FAM153A: variants seen among roughly 807,000 people sequenced by gnomAD.
FAM153A encodes the protein protein FAM153A.
In FAM153A, 12 loss-of-function variants were observed where a neutral mutation model predicts 48.1. The ratio of observed to expected loss-of-function variants is 0.25; its 90% CI spans 0.16 to 0.40. The LOEUF (loss-of-function observed/expected upper bound fraction) is 0.40. FAM153A is among the 10% of genes least tolerant of loss of function. The probability of loss-of-function intolerance (pLI) is 1.00; values close to 1 mark genes in which losing one functional copy is unlikely to be tolerated. For synonymous variants in FAM153A, 36 were observed against 118.2 expected (o/e 0.30, Z 4.51); for missense variants, 111 against 345.8 (o/e 0.32, Z 5.38).
chr5:177,734,891 C>T (rs750763585), exon 13 of FAM153A: 3 of 1,482,464 alleles, frequency 2.0e-6, no homozygotes, highest in Middle Eastern at 1.7e-4. Flanking sequence ...CTCCTCCTCA[C>T]CGTTGTAACT....
the FAM153A span, among the ~76,000 whole-genome samples, chr5:177,697,240 T>C: frequency 6.6e-6 from 1 of 151,554 alleles, no homozygotes; most frequent in Non-Finnish European, 1.5e-5. Context: ...TTAAATTTCA[T>C]TTTTGAATTG....
chr5:177,704,330 C>T (rs1302898945), downstream of FAM153A, among the ~76,000 whole-genome samples: 1 of 56,508 alleles, frequency 1.8e-5, no homozygotes, highest in Non-Finnish European at 3.1e-5. Flanking sequence ...TGTTTGAGGT[C>T]GGGCATGGTG....
intron 1 of FAM153A, among the ~76,000 whole-genome samples, chr5:177,768,338 A>T (rs1212253652): frequency 6.6e-6 from 1 of 152,070 alleles, no homozygotes; most frequent in Non-Finnish European, 1.5e-5. Context: ...GCTTCATTAT[A>T]TTGGCATCAC....
At chr5:177,760,463 C>T (rs1202392894) in intron 1 of FAM153A, among the ~76,000 whole-genome samples, 1 of 48,194 alleles carries the variant, frequency 2.1e-5, no homozygotes. Context: ...GTGTCGATCT[C>T]TTGACCAAGT....
chr5:177,707,448 GA>G (rs1261991896), downstream of FAM153A, among the ~76,000 whole-genome samples: 2 of 151,660 alleles, frequency 1.3e-5, no homozygotes, highest in African/African-American at 4.9e-5. Context: ...GAAAAAAAAG[GA>G]AACGAGAGAA....
At chr5:177,754,266 C>A (rs1323490085), upstream of FAM153A, among the ~76,000 whole-genome samples, 1 of 151,954 alleles carries the variant, frequency 6.6e-6, no homozygotes, top group East Asian at 1.9e-4. Context: ...GATCAAACTG[C>A]AAGGCTGAAG....
Position 177,771,264 on chromosome 5 carries a change from T to C in FAM153A, c.-57+9185A>G, listed in dbSNP as rs1582538422. ...TCAAAATAAAAGACCATTTTTATTC[T>C]AATTTTAACTCAGAAATTATTATGC... On this transcript the variant is annotated intron_variant, in intron 1 of 8. Transcript: ENST00000393518. Among the ~76,000 whole-genome samples, 4 of 98,036 alleles carry C rather than the reference T, an allele frequency of 4.1e-5. 2 individuals carry two copies. The highest frequency in any genetic ancestry group is 1.6e-4 in the African/African-American group (4 of 24,860). 64.3% of individuals were successfully genotyped at this position (98,036 alleles called of 152,430 possible).
chr5:177,703,413 A>T (rs568267728), downstream of FAM153A, among the ~76,000 whole-genome samples: 1,913 of 151,360 alleles, frequency 0.013, 26 homozygotes, highest in African/African-American at 0.045. Flanking sequence ...GGAAGTAACT[A>T]ACTTGTTTTT....
chr5:177,771,360 C>A lies in FAM153A; in HGVS notation c.-57+9089G>T, dbSNP rs1464381538. 2.0e-5 allele frequency among the ~76,000 whole-genome samples: 2 copies of A among 97,578 alleles called. 1 individual carries two copies. Among genetic ancestry groups the A allele is most frequent in the Non-Finnish European group, 4.3e-5 (2 of 47,008 alleles). 64.0% of individuals were successfully genotyped at this position (97,578 alleles called of 152,430 possible). A position where few individuals can be genotyped will look rare whatever the true frequency, so the allele number is the denominator to read the frequency against. On this transcript the variant is annotated intron_variant, in intron 1 of 8. Transcript: ENST00000393518. Reference sequence around the variant, plus strand: ...GACAGATTATAATTGCTTAATATTGCTATGGTAACTTCCATTCAAATACCT... The same window carrying A: ...GACAGATTATAATTGCTTAATATTGATATGGTAACTTCCATTCAAATACCT...
At chr5:177,707,381 G>A (rs1161413691), downstream of FAM153A, among the ~76,000 whole-genome samples, 1 of 151,694 alleles carries the variant, frequency 6.6e-6, no homozygotes, top group Non-Finnish European at 1.5e-5. Flanking sequence ...CAGGTACATG[G>A]TATATAAATA....
chr5:177,712,301 G>T (rs1758607043), exon 27 of FAM153A: 1 of 151,908 alleles, frequency 6.6e-6, no homozygotes, highest in Non-Finnish European at 1.5e-5. Flanking sequence ...GTGAAACCCT[G>T]TCTCCACTAA....
At chr5:177,754,033 C>T (rs925110361), upstream of FAM153A, among the ~76,000 whole-genome samples, 1 of 151,898 alleles carries the variant, frequency 6.6e-6, no homozygotes, top group African/African-American at 2.4e-5. Context: ...CGAAGCAGGG[C>T]AAGGCATTGC....
upstream of FAM153A, among the ~76,000 whole-genome samples, chr5:177,753,890 T>G (rs954019648): frequency 1.3e-5 from 2 of 151,892 alleles, no homozygotes; most frequent in African/African-American, 4.9e-5. Context: ...ACAGCTCCAG[T>G]CTGCAGCTCC....
chr5:177,761,571 C>T (rs1315989687), intron 1 of FAM153A, among the ~76,000 whole-genome samples: 1 of 143,626 alleles, frequency 7.0e-6, no homozygotes, highest in Non-Finnish European at 1.5e-5. Flanking sequence ...AATCTGTCAG[C>T]CCAGGCACCT....
intron 1 of FAM153A, among the ~76,000 whole-genome samples, chr5:177,769,230 C>CAA (rs564065546): frequency 1.8e-4 from 3 of 16,948 alleles, no homozygotes; most frequent in Non-Finnish European, 3.2e-4. Flanking sequence ...GACTCCGTCC[C>CAA]AAAAAAAAAA....
downstream of FAM153A, among the ~76,000 whole-genome samples, chr5:177,709,660 T>G (rs1758216000): frequency 7.9e-6 from 1 of 127,090 alleles, no homozygotes. Context: ...TGCGCCCGGC[T>G]GGGTTTTTTT....
At chr5:177,705,640 A>ATTTTTC (rs1320330951), downstream of FAM153A, among the ~76,000 whole-genome samples, 1 of 106,100 alleles carries the variant, frequency 9.4e-6, no homozygotes, top group African/African-American at 3.3e-5. Flanking sequence ...ACTAGAAAAC[A>ATTTTTC]TTTTTCTTTT....
chr5:177,707,232 CAT>C (rs1757953419), downstream of FAM153A, among the ~76,000 whole-genome samples: 1 of 151,928 alleles, frequency 6.6e-6, no homozygotes, highest in African/African-American at 2.4e-5. Context: ...GCAGAATGTG[CAT>C]TCTTCTCATC....
exon 27 of FAM153A, chr5:177,712,586 C>G (rs1272119330): frequency 6.6e-6 from 1 of 151,824 alleles, no homozygotes; most frequent in Non-Finnish European, 1.5e-5. Flanking sequence ...ACACTCAAGG[C>G]TGGTATACCA....
Sources: gnomAD v4.1 joint callset for allele counts (sites outside exome capture counted in the v4.1 genomes callset) on GRCh38, gnomAD v4.1.1 for gene constraint, MANE v1.5 for transcripts, NCBI Gene and HGNC (gene_info 2026-07-23, HGNC 2026-07-21) for gene names.